Variants in POLR3B observed in about 807,000 individuals in gnomAD.
The protein encoded by POLR3B is RNA polymerase III subunit B, also known as DNA-directed RNA polymerase III subunit RPC2.
A neutral mutation model predicts 147.4 loss-of-function variants in POLR3B; 96 were observed. The observed-to-expected ratio is 0.65, with a 90% CI of 0.55 to 0.77. The LOEUF is 0.77. Among genes scored for constraint, POLR3B ranks in the 30% least tolerant of loss-of-function variants. The pLI is 0.00. For missense variants in POLR3B, 1,036 were observed against 1,413.5 expected (o/e 0.73, Z 4.28); for synonymous variants, 461 against 485.9 (o/e 0.95, Z 0.67).
chr12:106,452,224 C>T (rs941180553), intron 19 of POLR3B, among the ~76,000 whole-genome samples: 3 of 152,204 alleles, frequency 2.0e-5, no homozygotes, highest in Admixed American at 1.3e-4. Context: ...TCTATTTTAA[C>T]ATTTTAACTT....
At chr12:106,376,227 T>G (rs2036676525) in intron 6 of POLR3B, 132 bp from the exon 7 acceptor site, 3 of 699,872 alleles carry the variant, frequency 4.3e-6, no homozygotes, top group Non-Finnish European at 7.7e-6. Flanking sequence ...AATTGCTATT[T>G]CTCTGCCTTT....
At chr12:106,454,132 G>A (rs954690245) in intron 19 of POLR3B, among the ~76,000 whole-genome samples, 5 of 152,020 alleles carry the variant, frequency 3.3e-5, no homozygotes, top group Admixed American at 1.3e-4. Context: ...AACACTGGGC[G>A]TTGTTCTTAC....
chr12:106,459,366 A>ACGTTATGGGT lies in POLR3B; in HGVS notation c.2568_2569insCGTTATGGGT (p.Thr857ArgfsTer14). The ACGTTATGGGT allele has an allele frequency of 6.9e-7, 1 of 1,442,106 alleles. No homozygotes were observed. Among genetic ancestry groups the ACGTTATGGGT allele is most frequent in the Non-Finnish European group, 9.8e-7 (1 of 1,022,894 alleles). 89.3% of individuals were successfully genotyped at this position (1,442,106 alleles called of 1,614,324 possible). On this transcript the variant is annotated frameshift_variant and splice_region_variant, in exon 22 of 28. Coordinates refer to ENST00000228347, the MANE Select transcript of POLR3B (RefSeq NM_018082.6). LOFTEE classifies it high-confidence loss of function. ...AACCACAGTACAAAGATGTACCCAT[A>ACGTTATGGGT]ACGTATGTATTGGTTGTGCCCTGGT...
intron 23 of POLR3B, among the ~76,000 whole-genome samples, chr12:106,479,302 G>T (rs1295318251): frequency 6.7e-5 from 10 of 150,330 alleles, no homozygotes; most frequent in Admixed American, 6.6e-4. Flanking sequence ...TTTGATCAAC[G>T]TTATTTTTCA....
chr12:106,450,787 T>C (rs530942450), intron 19 of POLR3B, among the ~76,000 whole-genome samples: 5 of 152,182 alleles, frequency 3.3e-5, no homozygotes, highest in Non-Finnish European at 7.4e-5. Flanking sequence ...TTCTTTGGAA[T>C]GTTCTTAAAG....
At chr12:106,496,207 A>G (rs373262933) in intron 24 of POLR3B, 49 bp downstream of exon 24, 3 of 1,138,046 alleles carry the variant, frequency 2.6e-6, no homozygotes, top group Non-Finnish European at 1.3e-6. Context: ...AGGAAGAAGC[A>G]GGCAGTTAGT....
chr12:106,397,769 G>A (rs1320917402), intron 10 of POLR3B, among the ~76,000 whole-genome samples: 1 of 152,154 alleles, frequency 6.6e-6, no homozygotes, highest in Non-Finnish European at 1.5e-5. Context: ...TCAGTCTTTA[G>A]TAATTATAAA....
At chr12:106,479,720 TTTTC>T (rs528998293) in intron 23 of POLR3B, among the ~76,000 whole-genome samples, 116 of 152,116 alleles carry the variant, frequency 7.6e-4, no homozygotes, top group African/African-American at 2.7e-3. Context: ...GTATTTTTAG[TTTTC>T]TTTGAGTTTT....
chr12:106,411,385 A>T (rs1206981070), intron 12 of POLR3B, among the ~76,000 whole-genome samples: 1 of 152,104 alleles, frequency 6.6e-6, no homozygotes, highest in Non-Finnish European at 1.5e-5. Flanking sequence ...TGATCTGCCC[A>T]TCTCAGCCTC....
Position 106,413,543 on chromosome 12 carries a change from A to G in POLR3B, c.1101+2583A>G, listed in dbSNP as rs80258919. ...ACCTTGAATGGCACAGAACCATTGT[A>G]GTTCCTTCACAGGTGTTCTGTCTTA... is the stretch of plus-strand genomic sequence containing the variant. On this transcript the variant is annotated intron_variant, in intron 12 of 27. Coordinates refer to ENST00000228347, the MANE Select transcript of POLR3B (RefSeq NM_018082.6). 5.1e-3 allele frequency among the ~76,000 whole-genome samples: 779 copies of G among 152,240 alleles called. 6 individuals carry two copies. The highest frequency in any genetic ancestry group is 0.018 in the African/African-American group (749 of 41,554).
At chr12:106,505,909 G>A (rs75669833) in intron 27 of POLR3B, among the ~76,000 whole-genome samples, 2,006 of 152,262 alleles carry the variant, frequency 0.013, 40 homozygotes, top group African/African-American at 0.044. Context: ...TCCTTAAAAC[G>A]CAGTGTATCC....
chr12:106,443,950 A>T (rs1348145933), intron 18 of POLR3B, among the ~76,000 whole-genome samples: 1 of 151,926 alleles, frequency 6.6e-6, no homozygotes, highest in Non-Finnish European at 1.5e-5. Context: ...TCAGCCTCCC[A>T]AGTAGCTGCG....
chr12:106,507,539 C>T, intron 27 of POLR3B: 1 of 242,964 alleles, frequency 4.1e-6, no homozygotes, highest in Non-Finnish European at 8.2e-6. Flanking sequence ...AGATAAATTA[C>T]ATCAACCCAA....
At chr12:106,464,849 C>A (rs1053778812) in intron 23 of POLR3B, among the ~76,000 whole-genome samples, 1 of 152,134 alleles carries the variant, frequency 6.6e-6, no homozygotes, top group Non-Finnish European at 1.5e-5. Context: ...GTATACCCAG[C>A]CTTAGTTGTC....
At chr12:106,491,756 A>G (rs2038410381) in intron 23 of POLR3B, among the ~76,000 whole-genome samples, 1 of 152,232 alleles carries the variant, frequency 6.6e-6, no homozygotes, top group South Asian at 2.1e-4. Flanking sequence ...ATGACTTGAC[A>G]TAAGCTACCT....
chr12:106,374,704 G>A (rs2036654639), intron 6 of POLR3B, among the ~76,000 whole-genome samples: 1 of 152,200 alleles, frequency 6.6e-6, no homozygotes, highest in East Asian at 1.9e-4. Context: ...TTTTAGTAGA[G>A]ATGGGGTTTC....
At chr12:106,477,674 T>A (rs1314621469) in intron 23 of POLR3B, among the ~76,000 whole-genome samples, 1 of 152,098 alleles carries the variant, frequency 6.6e-6, no homozygotes, top group Admixed American at 6.5e-5. Context: ...GGGAACTCCC[T>A]GACCCCTTGT....
intron 22 of POLR3B, 64 bp from the exon 23 acceptor site, chr12:106,463,414 T>C: frequency 1.4e-6 from 2 of 1,405,326 alleles, no homozygotes; most frequent in Non-Finnish European, 2.0e-6. Context: ...AAATATAACA[T>C]GGGTGAGAAG....
intron 26 of POLR3B, 50 bp downstream of exon 26, chr12:106,501,486 CT>C (rs2038600819): frequency 9.1e-7 from 1 of 1,093,322 alleles, no homozygotes; most frequent in African/African-American, 1.5e-5. Context: ...TCAAGTCCAC[CT>C]TGTATTTTCC....
Sources: gnomAD v4.1 joint callset for allele counts (sites outside exome capture counted in the v4.1 genomes callset) on GRCh38, gnomAD v4.1.1 for gene constraint, MANE v1.5 for transcripts, NCBI Gene and HGNC (gene_info 2026-07-23, HGNC 2026-07-21) for gene names.